Variants in RIMS1 observed in about 807,000 individuals in gnomAD.
RIMS1 encodes the protein regulating synaptic membrane exocytosis 1.
Under a neutral mutation model 214.1 loss-of-function variants are expected in RIMS1, and 83 were observed. The observed-to-expected ratio is 0.39, with a 90% CI of 0.32 to 0.47. RIMS1 has a LOEUF of 0.47. Ranked by LOEUF, RIMS1 falls within the 20% of genes least tolerant of loss-of-function variation. The pLI is 0.99. For missense variants in RIMS1, 2,050 were observed against 2,161.8 expected, an observed-to-expected ratio of 0.95 and a Z score of 1.03; for synonymous variants, 793 against 786.8, an observed-to-expected ratio of 1.01 and a Z score of -0.13.
rs1339410173 is a variant in RIMS1 at position 72,313,555 on chromosome 6, A to G, written c.4013A>G (p.Lys1338Arg). 12 of 1,613,846 alleles carry G rather than the reference A, an allele frequency of 7.4e-6. No individual in the cohort carries two copies. Among genetic ancestry groups the G allele is most frequent in the Non-Finnish European group, 1.0e-5 (12 of 1,179,836 alleles). Reference sequence around the variant, plus strand: ...AGAAGCTGTGATAACGTCTCTGCCAAATCATCAGATAGTGATGTCAGTGAT... The same window carrying G: ...AGAAGCTGTGATAACGTCTCTGCCAGATCATCAGATAGTGATGTCAGTGAT... ...QYRSCDNVSA[K>R]SSDSDVSDVS... The change falls in exon 28 of 34, where the codon AAA (lysine) becomes AGA (arginine). Residue 1338 changes from lysine to arginine, a missense_variant. By Grantham distance (26) the Lys-to-Arg change is conservative. Around this residue, in one of 6 missense-constraint regions of RIMS1, gnomAD observed 889 missense variants for 885.5 expected, o/e 1.00. Transcript: ENST00000521978.
At chr6:72,258,876 AC>A in intron 17 of RIMS1, 109 bp from the exon 18 acceptor site, 1 of 1,025,398 alleles carries the variant, frequency 9.8e-7, no homozygotes, top group Admixed American at 1.8e-5. Flanking sequence ...TGATGCAAAT[AC>A]TTTTCAGTGT....
At chr6:72,000,574 C>T (rs191632193) in intron 2 of RIMS1, among the ~76,000 whole-genome samples, 1 of 152,230 alleles carries the variant, frequency 6.6e-6, no homozygotes, top group East Asian at 1.9e-4. Context: ...TGCATCTACC[C>T]CACTTCTACT....
chr6:71,983,051 C>T (rs1798893810), intron 2 of RIMS1, among the ~76,000 whole-genome samples: 1 of 152,040 alleles, frequency 6.6e-6, no homozygotes, highest in African/African-American at 2.4e-5. Context: ...TCTTTTTCCA[C>T]CAATGATAAT....
chr6:72,322,302 C>T (rs2096215139), intron 28 of RIMS1, among the ~76,000 whole-genome samples: 1 of 152,102 alleles, frequency 6.6e-6, no homozygotes, highest in Non-Finnish European at 1.5e-5. Flanking sequence ...GTCTGCCATT[C>T]TGTGGCAGAA....
chr6:71,902,877 A>G (rs1168298361), intron 1 of RIMS1, among the ~76,000 whole-genome samples: 5 of 152,088 alleles, frequency 3.3e-5, no homozygotes, highest in African/African-American at 7.2e-5. Context: ...TTATGACTGC[A>G]TAGTATTCTG....
At chr6:72,149,912 C>T (rs1170257015) in intron 4 of RIMS1, among the ~76,000 whole-genome samples, 4 of 152,186 alleles carry the variant, frequency 2.6e-5, no homozygotes, top group African/African-American at 9.7e-5. Flanking sequence ...CCGTGCTCAG[C>T]CTGTGGTTTG....
chr6:72,009,500 C>T (rs943982757), intron 2 of RIMS1, among the ~76,000 whole-genome samples: 2 of 151,940 alleles, frequency 1.3e-5, no homozygotes, highest in East Asian at 1.9e-4. Flanking sequence ...GAAATAGAGA[C>T]ACAAAAAACC....
At chr6:71,958,258 G>T (rs1310797039) in intron 1 of RIMS1, among the ~76,000 whole-genome samples, 1 of 152,114 alleles carries the variant, frequency 6.6e-6, no homozygotes, top group Non-Finnish European at 1.5e-5. Flanking sequence ...CAATCACTAT[G>T]TAAAGATTCG....
chr6:72,253,931 T>C (rs1288459757), intron 16 of RIMS1, among the ~76,000 whole-genome samples: 1 of 152,126 alleles, frequency 6.6e-6, no homozygotes, highest in East Asian at 1.9e-4. Flanking sequence ...AGTGGCACAA[T>C]CTCAGCTCAC....
chr6:72,206,125 A>G (rs1562574645), intron 6 of RIMS1, among the ~76,000 whole-genome samples: 2 of 152,138 alleles, frequency 1.3e-5, no homozygotes, highest in Admixed American at 6.5e-5. Flanking sequence ...CAGGTTTTCT[A>G]TTTACCATTC....
chr6:72,313,581 G>A lies in RIMS1; in HGVS notation c.4039G>A (p.Val1347Ile), dbSNP rs942946408. 4 of 1,613,716 alleles carry A rather than the reference G, an allele frequency of 2.5e-6. No individual in the cohort carries two copies. The highest frequency in any genetic ancestry group is 3.4e-6 in the Non-Finnish European group (4 of 1,179,830). Residue 1347 changes from valine to isoleucine, a missense_variant, in exon 28 of 34, where the codon GTT becomes ATT. Transcript: ENST00000521978. ...AKSSDSDVSD[V>I]SAISRTSSAS... ...ATCATCAGATAGTGATGTCAGTGATGTTTCCGCCATTTCCCGAACCAGCAG... is the reference window on the plus strand; with the variant it reads ...ATCATCAGATAGTGATGTCAGTGATATTTCCGCCATTTCCCGAACCAGCAG...
intron 2 of RIMS1, among the ~76,000 whole-genome samples, chr6:72,063,907 T>C (rs925595229): frequency 2.0e-5 from 3 of 152,180 alleles, no homozygotes; most frequent in Non-Finnish European, 4.4e-5. Context: ...TGAGGCCTCA[T>C]TGGCTTGTAG....
chr6:72,135,759 G>C (rs2041181037), intron 4 of RIMS1, among the ~76,000 whole-genome samples: 1 of 152,146 alleles, frequency 6.6e-6, no homozygotes. Flanking sequence ...TTGCGGGTTT[G>C]GGTAGCAGTG....
At chr6:72,156,527 A>G (rs1434932500) in intron 4 of RIMS1, among the ~76,000 whole-genome samples, 1 of 140,338 alleles carries the variant, frequency 7.1e-6, no homozygotes, top group Non-Finnish European at 1.6e-5. Context: ...GTTATGATCA[A>G]TAGGTCTGGA....
intron 6 of RIMS1, among the ~76,000 whole-genome samples, chr6:72,200,967 G>A (rs2051883895): frequency 6.6e-6 from 1 of 151,898 alleles, no homozygotes; most frequent in African/African-American, 2.4e-5. Flanking sequence ...AAATCATGGT[G>A]AGAGGCTGGA....
At chr6:72,192,292 C>T (rs1174585546) in intron 6 of RIMS1, among the ~76,000 whole-genome samples, 1 of 152,182 alleles carries the variant, frequency 6.6e-6, no homozygotes, top group Non-Finnish European at 1.5e-5. Flanking sequence ...CCTGAAATGT[C>T]TGATCATTTT....
At position 72,314,519 on chromosome 6, in the gene RIMS1, G is replaced by C. The variant is rs12206967; in HGVS notation, c.4130+847G>C. 2.0e-5 allele frequency among the ~76,000 whole-genome samples: 3 copies of C among 152,052 alleles called. No individual in the cohort carries two copies. The South Asian group carries it at 6.2e-4, about 32-fold the overall frequency. ...TCTTGTTTGTTGAAGCAAATTAAAAGTAATCATCCTGCTGTTATTTAACAA... is the reference window on the plus strand; with the variant it reads ...TCTTGTTTGTTGAAGCAAATTAAAACTAATCATCCTGCTGTTATTTAACAA... On this transcript the variant is annotated intron_variant, in intron 28 of 33. Coordinates refer to ENST00000521978, the MANE Select transcript of RIMS1 (RefSeq NM_014989.7).
chr6:72,090,490 C>A (rs1409616551), intron 2 of RIMS1, among the ~76,000 whole-genome samples: 1 of 151,922 alleles, frequency 6.6e-6, no homozygotes, highest in Non-Finnish European at 1.5e-5. Context: ...ACACAAGAAG[C>A]CACGATGTAC....
chr6:72,344,343 T>A (rs1182897064), intron 29 of RIMS1, among the ~76,000 whole-genome samples: 1 of 151,836 alleles, frequency 6.6e-6, no homozygotes, highest in Non-Finnish European at 1.5e-5. Context: ...AATAATGTTA[T>A]AGCTGCAGGG....
Sources: allele counts gnomAD v4.1 joint callset (sites outside exome capture counted in the v4.1 genomes callset), GRCh38; gene constraint gnomAD v4.1.1; regional missense constraint gnomAD v4.1.1; transcripts MANE v1.5; gene names NCBI Gene and HGNC (gene_info 2026-07-23, HGNC 2026-07-21).